DHDDS: variants seen among roughly 807,000 people sequenced by gnomAD.
The protein encoded by DHDDS is dehydrodolichyl diphosphate synthase complex subunit DHDDS.
DHDDS carries 16 observed loss-of-function variants against 46.2 expected under a neutral mutation model. That is an observed-to-expected ratio of 0.35 (90% CI 0.23 to 0.53). The LOEUF (loss-of-function observed/expected upper bound fraction) is 0.53, where lower values mean the gene tolerates loss of function less well. Among genes scored for constraint, DHDDS ranks in the 20% least tolerant of loss-of-function variants. The pLI is 0.94. For missense variants in DHDDS, 340 were observed against 423.7 expected (o/e 0.80, Z 1.73); for synonymous variants, 151 against 163.1 (o/e 0.93, Z 0.56).
chr1:26,466,270 TTC>T (rs1286898314), intron 8 of DHDDS: 2 of 152,194 alleles, frequency 1.3e-5, no homozygotes, highest in African/African-American at 4.8e-5. Context: ...CCTCTAGGAC[TTC>T]TGTTAGCTTG....
intron 6 of DHDDS, among the ~76,000 whole-genome samples, chr1:26,457,528 A>G (rs1350225652): frequency 1.3e-5 from 2 of 149,772 alleles, no homozygotes; most frequent in Non-Finnish European, 2.9e-5. Context: ...AAAAGGCAAA[A>G]AATAAAAAAG....
In DHDDS at chr1:26,433,958, T is replaced by C. The variant is rs2075128656; in HGVS notation, c.63+950T>C. Among the ~76,000 whole-genome samples the C allele has an allele frequency of 1.3e-5, 2 of 152,166 alleles. 1 individual carries two copies. Among genetic ancestry groups the C allele is most frequent in the South Asian group, 4.1e-4 (2 of 4,828 alleles). ...CATATTGGCCAGGCTGGTCTCGAAC[T>C]CCTGACCTCAGGTGATCCACCTATC... is the stretch of plus-strand genomic sequence containing the variant. On this transcript the variant is annotated intron_variant, in intron 2 of 8. Coordinates refer to ENST00000236342, the MANE Select transcript of DHDDS (RefSeq NM_205861.3).
intron 3 of DHDDS, chr1:26,438,775 T>C (rs968411658): frequency 3.0e-5 from 5 of 166,940 alleles, no homozygotes; most frequent in African/African-American, 9.6e-5. Flanking sequence ...TGAATGACCA[T>C]AAAATACTGG....
chr1:26,442,521 C>G (rs1014740791), intron 3 of DHDDS, among the ~76,000 whole-genome samples: 3 of 152,186 alleles, frequency 2.0e-5, no homozygotes, highest in South Asian at 2.1e-4. Context: ...TCACTAAGAT[C>G]ACATTTTTCA....
intron 3 of DHDDS, chr1:26,438,642 C>A (rs1301838945): frequency 2.3e-5 from 7 of 305,602 alleles, no homozygotes; most frequent in Non-Finnish European, 4.5e-5. Flanking sequence ...GGAGGACTAT[C>A]TGAGCCCAGG....
At chr1:26,448,166 C>A in intron 6 of DHDDS, 1 of 166,640 alleles carries the variant, frequency 6.0e-6, no homozygotes, top group Non-Finnish European at 1.3e-5. Context: ...GTTCTAGTTC[C>A]ACACAAGATT....
chr1:26,468,812 C>CCCACCCCCAACCACCA, intron 8 of DHDDS, 83 bp from the exon 9 acceptor site: 1 of 601,120 alleles, frequency 1.7e-6, no homozygotes, highest in Non-Finnish European at 2.8e-6. Flanking sequence ...CCACCCTGTG[C>CCCACCCCCAACCACCA]CCCACCCCCT....
At chr1:26,433,333 G>C (rs999089176) in intron 2 of DHDDS, among the ~76,000 whole-genome samples, 3 of 152,066 alleles carry the variant, frequency 2.0e-5, no homozygotes, top group Non-Finnish European at 4.4e-5. Context: ...ATTTAAATAG[G>C]TTAATCTTTG....
intron 8 of DHDDS, 55 bp downstream of exon 8, chr1:26,460,199 A>C: frequency 7.3e-7 from 1 of 1,374,782 alleles, no homozygotes; most frequent in Non-Finnish European, 1.0e-6. Flanking sequence ...AAAGATTAGC[A>C]TTGATTGACA....
At chr1:26,442,917 C>A in intron 4 of DHDDS, 44 bp downstream of exon 4, 1 of 1,613,116 alleles carries the variant, frequency 6.2e-7, no homozygotes, top group Non-Finnish European at 8.5e-7. Flanking sequence ...CCACCACCCC[C>A]AGCCTTATCC....
At chr1:26,447,523 C>G (rs1557440476) in intron 5 of DHDDS, 36 bp from the exon 6 acceptor site, 1 of 1,544,438 alleles carries the variant, frequency 6.5e-7, no homozygotes, top group Non-Finnish European at 9.0e-7. Flanking sequence ...AGTCCCTGTC[C>G]CCCTTTGGTA....
intron 2 of DHDDS, 163 bp downstream of exon 2, chr1:26,433,171 TTCTGGTAGACTTTTGTCCTAAC>T: frequency 1.3e-6 from 1 of 761,010 alleles, no homozygotes; most frequent in Non-Finnish European, 2.2e-6. Flanking sequence ...AGGTCTACAT[TTCTGGTAGACTTTTGTCCTAAC>T]TCTGATATTT....
chr1:26,454,470 A>G (rs905260909), intron 6 of DHDDS, among the ~76,000 whole-genome samples: 6 of 152,176 alleles, frequency 3.9e-5, no homozygotes, highest in Non-Finnish European at 8.8e-5. Flanking sequence ...GACTGAAAAT[A>G]ATTTTTTATT....
At chr1:26,446,108 C>T (rs1245435019) in intron 4 of DHDDS, among the ~76,000 whole-genome samples, 2 of 152,172 alleles carry the variant, frequency 1.3e-5, no homozygotes, top group Non-Finnish European at 2.9e-5. Flanking sequence ...CCTGGGCAGT[C>T]CCTATCTGAC....
chr1:26,433,980 T>C (rs1404890584), intron 2 of DHDDS, among the ~76,000 whole-genome samples: 1 of 152,152 alleles, frequency 6.6e-6, no homozygotes, highest in Non-Finnish European at 1.5e-5. Context: ...GTGATCCACC[T>C]ATCTCAGCCT....
chr1:26,451,744 T>C lies in DHDDS; in HGVS notation c.542+4084T>C, dbSNP rs545877283. ...CCCGGGTTCACGCCATTCTCCTGCC[T>C]CAGCCTCCTGAGTAACTGGGACTAC... On this transcript the variant is annotated intron_variant, in intron 6 of 8. Coordinates refer to ENST00000236342, the MANE Select transcript of DHDDS (RefSeq NM_205861.3). Among the ~76,000 whole-genome samples, 444 of 151,506 alleles carry C rather than the reference T, an allele frequency of 2.9e-3. 5 individuals are homozygous for C. Among genetic ancestry groups the C allele is most frequent in the Non-Finnish European group, 4.8e-3 (327 of 67,924 alleles).
chr1:26,460,012 A>G, intron 7 of DHDDS, 25 bp from the exon 8 acceptor site: 2 of 1,588,286 alleles, frequency 1.3e-6, no homozygotes, highest in Non-Finnish European at 8.6e-7. Flanking sequence ...TTACTAAATC[A>G]TACTCTCCTC....
intron 8 of DHDDS, among the ~76,000 whole-genome samples, chr1:26,466,513 G>A (rs2075488646): frequency 6.6e-6 from 1 of 152,210 alleles, no homozygotes; most frequent in Admixed American, 6.5e-5. Context: ...CAGCCTCGCT[G>A]TCATTTTCTG....
At chr1:26,436,360 C>G (rs2075154844) in intron 2 of DHDDS, among the ~76,000 whole-genome samples, 1 of 151,974 alleles carries the variant, frequency 6.6e-6, no homozygotes. Flanking sequence ...GAGATAACAC[C>G]ACCACACTCC....
Sources: gnomAD v4.1 joint callset for allele counts (sites outside exome capture counted in the v4.1 genomes callset) on GRCh38, gnomAD v4.1.1 for gene constraint, MANE v1.5 for transcripts, NCBI Gene and HGNC (gene_info 2026-07-23, HGNC 2026-07-21) for gene names.